The following PLA1A variants were observed in gnomAD, a reference collection of about 807,000 sequenced individuals.
PLA1A encodes phospholipase A1 member A.
In PLA1A, 47 loss-of-function variants were observed where a neutral mutation model predicts 49.4. That is an observed-to-expected ratio of 0.95 (90% CI 0.75 to 1.21). The LOEUF (loss-of-function observed/expected upper bound fraction) is 1.21. PLA1A is among the 50% of genes most tolerant of loss of function. The pLI, the probability that PLA1A is intolerant of heterozygous loss-of-function variation, is 0.00. For synonymous variants in PLA1A, 224 were observed against 207.9 expected, an observed-to-expected ratio of 1.08 and a Z score of -0.67; for missense variants, 561 against 563.9, an observed-to-expected ratio of 0.99 and a Z score of 0.05.
At chr3:119,619,518 GAT>G in intron 7 of PLA1A, 43 bp from the exon 8 acceptor site, 1 of 1,370,644 alleles carries the variant, frequency 7.3e-7, no homozygotes, top group Middle Eastern at 1.8e-4. Flanking sequence ...GGGACCCTAA[GAT>G]AGCCTTCTCA....
chr3:119,621,056 C>T (rs955368826), intron 8 of PLA1A, among the ~76,000 whole-genome samples: 3 of 152,300 alleles, frequency 2.0e-5, no homozygotes, highest in South Asian at 2.1e-4. Context: ...AGTTGGCATG[C>T]GGGAGGATGT....
chr3:119,625,999 GAAA>G (rs1017266656), intron 9 of PLA1A, among the ~76,000 whole-genome samples: 6 of 152,220 alleles, frequency 3.9e-5, no homozygotes, highest in Non-Finnish European at 7.3e-5. Context: ...GTCCGGTCAG[GAAA>G]ACAGAGGAGG....
intron 9 of PLA1A, among the ~76,000 whole-genome samples, chr3:119,628,285 C>T (rs1016789255): frequency 5.3e-4 from 80 of 152,354 alleles, no homozygotes; most frequent in African/African-American, 1.8e-3. Flanking sequence ...TCCACCCACA[C>T]ATTCATACTT....
chr3:119,629,722 T>A lies in PLA1A; in HGVS notation c.*254T>A. ...CATGCATACTTAACTGCACTTGCTT[T>A]ATCTCCTTGGGCATTCGTACTTAGG... On this transcript the variant is annotated 3_prime_UTR_variant, in exon 11 of 11. Transcript: ENST00000273371. The A allele has an allele frequency of 2.2e-6, 1 of 449,260 alleles. No individual in the cohort carries two copies. The allele number at this position is 449,260 out of a possible 1,614,324, so 27.8% of individuals were successfully genotyped here.
chr3:119,603,503 A>T (rs1036569584), intron 1 of PLA1A, among the ~76,000 whole-genome samples: 1 of 152,144 alleles, frequency 6.6e-6, no homozygotes, highest in Non-Finnish European at 1.5e-5. Context: ...TATTACCTTT[A>T]TATTTCTTTC....
intron 5 of PLA1A, among the ~76,000 whole-genome samples, chr3:119,615,272 G>C (rs1350330338): frequency 6.6e-6 from 1 of 152,172 alleles, no homozygotes; most frequent in African/African-American, 2.4e-5. Flanking sequence ...AGAGGGCAGA[G>C]GATGCTCTCT....
intron 4 of PLA1A, 119 bp downstream of exon 4, chr3:119,609,695 C>A: frequency 1.8e-6 from 1 of 540,918 alleles, no homozygotes. Flanking sequence ...GATCAAGTCA[C>A]CTATTACCAC....
chr3:119,622,151 A>AGG (rs1421216880), intron 8 of PLA1A, among the ~76,000 whole-genome samples: 18 of 33,976 alleles, frequency 5.3e-4, no homozygotes, highest in African/African-American at 1.4e-3. Flanking sequence ...GAGGAGGAGG[A>AGG]AGAAGAAGAA....
chr3:119,620,238 A>G, intron 8 of PLA1A: 1 of 438,928 alleles, frequency 2.3e-6, no homozygotes, highest in South Asian at 1.7e-5. Flanking sequence ...GTGCATCTTA[A>G]CTAGGGTGAC....
At chr3:119,598,049 A>G (rs953740390) in intron 1 of PLA1A, 63 bp downstream of exon 1, 3 of 1,036,172 alleles carry the variant, frequency 2.9e-6, no homozygotes, top group African/African-American at 1.6e-5. Flanking sequence ...TTCTCCAACT[A>G]CTTATGCAGT....
Position 119,629,549 on chromosome 3 carries a change from G to A in PLA1A, c.*81G>A. On this transcript the variant is annotated 3_prime_UTR_variant, in exon 11 of 11. Transcript: ENST00000273371. ...GTGTGATGAGGGATGTGTGTGTGCA[G>A]CTTATTGTAGACCATTACTACTAAG... is the stretch of plus-strand genomic sequence containing the variant. 1.3e-6 allele frequency: 1 copy of A among 781,274 alleles called. No homozygotes were observed. Among genetic ancestry groups the A allele is most frequent in the South Asian group, 1.4e-5 (1 of 71,718 alleles). The allele number at this position is 781,274 out of a possible 1,614,324, so 48.4% of individuals were successfully genotyped here. A position where few individuals can be genotyped will look rare whatever the true frequency, so the allele number is the denominator to read the frequency against.
chr3:119,617,924 C>A, intron 6 of PLA1A, 95 bp from the exon 7 acceptor site: 1 of 952,256 alleles, frequency 1.1e-6, no homozygotes, highest in Non-Finnish European at 1.6e-6. Context: ...GTATTTACAG[C>A]TTGCTGGAAT....
In PLA1A at chr3:119,626,946, T is replaced by C. The variant is rs1231633456; in HGVS notation, c.1121+1714T>C. Among the ~76,000 whole-genome samples, 9 of 152,262 alleles carry C rather than the reference T, an allele frequency of 5.9e-5. No homozygotes were observed. In the East Asian group the frequency reaches 1.7e-3, roughly 29 times the overall value. On this transcript the variant is annotated intron_variant, in intron 9 of 10. Transcript: ENST00000273371. ...GGTGTTTTCATCATCTTCTAGCCCA[T>C]TGGTAGGTCCAGCAACACTGGCAGG...
chr3:119,609,379 C>G, intron 3 of PLA1A, 89 bp from the exon 4 acceptor site: 1 of 842,150 alleles, frequency 1.2e-6, no homozygotes, highest in East Asian at 2.4e-5. Context: ...CCCAGGGCCT[C>G]GGCTTCTGAA....
chr3:119,615,504 A>C (rs1053235896), intron 5 of PLA1A, among the ~76,000 whole-genome samples: 2 of 152,218 alleles, frequency 1.3e-5, no homozygotes, highest in African/African-American at 2.4e-5. Context: ...TCTTAGGCAA[A>C]TATGAGCATC....
intron 7 of PLA1A, among the ~76,000 whole-genome samples, chr3:119,618,919 G>C (rs1040884418): frequency 1.3e-5 from 2 of 152,142 alleles, no homozygotes; most frequent in Admixed American, 6.5e-5. Flanking sequence ...AAATAGTAAA[G>C]TAGGGTAGCT....
intron 1 of PLA1A, among the ~76,000 whole-genome samples, chr3:119,605,085 C>T (rs576940560): frequency 6.6e-6 from 1 of 152,318 alleles, no homozygotes; most frequent in East Asian, 1.9e-4. Context: ...GCATCTCATG[C>T]TGAAACACAG....
chr3:119,617,008 T>C (rs2082856993), intron 6 of PLA1A, among the ~76,000 whole-genome samples: 1 of 152,164 alleles, frequency 6.6e-6, no homozygotes, highest in Non-Finnish European at 1.5e-5. Flanking sequence ...AGTCAAAATA[T>C]TGCTTGGCCT....
At chr3:119,628,906 C>T (rs1553795163) in intron 10 of PLA1A, 41 bp downstream of exon 10, 1 of 1,507,702 alleles carries the variant, frequency 6.6e-7, no homozygotes, top group Admixed American at 1.7e-5. Flanking sequence ...TGCACTCACA[C>T]ATCAAAGACC....
Sources: gnomAD v4.1 joint callset for allele counts (sites outside exome capture counted in the v4.1 genomes callset) on GRCh38, gnomAD v4.1.1 for gene constraint, MANE v1.5 for transcripts, NCBI Gene and HGNC (gene_info 2026-07-23, HGNC 2026-07-21) for gene names.